SMARCB1: variants seen among roughly 807,000 people sequenced by gnomAD.
SMARCB1 encodes SWI/SNF related BAF chromatin remodeling complex subunit B1.
A neutral mutation model predicts 49.0 loss-of-function variants in SMARCB1; 5 were observed. The observed-to-expected ratio is 0.10, with a 90% CI of 0.05 to 0.21. The LOEUF is 0.21. SMARCB1 is among the 10% of genes least tolerant of loss of function. SMARCB1 has a pLI of 1.00. For missense variants in SMARCB1, 226 were observed against 509.2 expected, an observed-to-expected ratio of 0.44 and a Z score of 5.35; for synonymous variants, 201 against 200.1, an observed-to-expected ratio of 1.00 and a Z score of -0.04.
chr22:23,787,313 C>T, intron 1 of SMARCB1, 51 bp downstream of exon 1: 2 of 1,164,122 alleles, frequency 1.7e-6, no homozygotes, highest in Non-Finnish European at 1.3e-6. Flanking sequence ...CGCGGGAGCC[C>T]CGGGGCGGGC....
intron 5 of SMARCB1, 57 bp from the exon 6 acceptor site, chr22:23,816,713 G>C: frequency 6.6e-7 from 1 of 1,523,874 alleles, no homozygotes; most frequent in Non-Finnish European, 9.1e-7. Context: ...GAGGGAGGCC[G>C]GTCCATGCCC....
Position 23,833,627 on chromosome 22 carries a change from C to T in SMARCB1, c.1042C>T (p.Gln348Ter), listed in dbSNP as rs2146042172. Residue 348 changes from glutamine (Q) to a stop codon, truncating the protein, a stop_gained, in exon 8 of 9, where the codon CAG (glutamine) becomes TAG (stop). Transcript: ENST00000644036. LOFTEE classifies it high-confidence loss of function. ...CATCCGGAACACGGGCGATGCGGAC[C>T]AGTGGTGCCCACTGCTGGAGACTCT... ...IAIRNTGDAD[Q>*]WCPLLETLTD... is the part of the protein sequence containing the mutation. 6.2e-7 allele frequency: 1 copy of T among 1,614,208 alleles called. No homozygotes were observed. Among genetic ancestry groups the T allele is most frequent in the Non-Finnish European group, 8.5e-7 (1 of 1,180,040 alleles).
At position 23,787,000 on chromosome 22, in the gene SMARCB1, C is replaced by G. The variant is rs1928015664; in HGVS notation, c.-170C>G. ...TGCGCACTGAGGGCGGCCTGGTCGT[C>G]GTCTGCGGCGGCGGCGGCGGCTGAG... On this transcript the variant is annotated 5_prime_UTR_variant, in exon 1 of 9. Transcript: ENST00000644036. 2.0e-6 allele frequency: 1 copy of G among 503,208 alleles called. No individual in the cohort carries two copies. The highest frequency in any genetic ancestry group is 2.6e-5 in the South Asian group (1 of 37,862). The allele number at this position is 503,208 out of a possible 1,614,324, so 31.2% of individuals were successfully genotyped here. A position where few individuals can be genotyped will look rare whatever the true frequency, so the allele number is the denominator to read the frequency against.
intron 2 of SMARCB1, chr22:23,792,923 C>G (rs1421811460): frequency 5.9e-6 from 1 of 168,494 alleles, no homozygotes; most frequent in Non-Finnish European, 1.3e-5. Context: ...CAGGAGAAGC[C>G]AGACTGGGCC....
intron 5 of SMARCB1, 106 bp downstream of exon 5, chr22:23,803,528 C>A: frequency 1.5e-6 from 2 of 1,329,052 alleles, no homozygotes; most frequent in Non-Finnish European, 2.1e-6. Context: ...CTGGACCTGA[C>A]ACGCAGGACA....
chr22:23,822,235 G>A (rs912804322), intron 6 of SMARCB1, among the ~76,000 whole-genome samples: 1 of 152,250 alleles, frequency 6.6e-6, no homozygotes, highest in African/African-American at 2.4e-5. Flanking sequence ...GTTCCAGCAG[G>A]GGTTGGGGGG....
chr22:23,793,684 C>T lies in SMARCB1; in HGVS notation c.358C>T (p.Leu120Phe), dbSNP rs754350320. The T allele has an allele frequency of 1.9e-6, 3 of 1,614,048 alleles. No homozygotes were observed. The highest frequency in any genetic ancestry group is 1.1e-5 in the South Asian group (1 of 91,086). The change falls in exon 3 of 9, where the codon CTC (leucine) becomes TTC (phenylalanine). Residue 120 changes from leucine to phenylalanine, a missense_variant. Physicochemically the swap from Leu to Phe is conservative, Grantham distance 22. Coordinates refer to ENST00000644036, the MANE Select transcript of SMARCB1 (RefSeq NM_003073.5). ...VSISTEPPTYLREQKAKRNSQ... is the reference protein window; with the variant it reads ...VSISTEPPTYFREQKAKRNSQ... ...CATCAGCACAGAGCCCCCCACCTAC[C>T]TCAGGTAATGCGTTCCTGGCCAGGG...
chr22:23,834,394 C>CCCCCCG lies in SMARCB1; in HGVS notation c.*215_*216insCCCCGC. On this transcript the variant is annotated 3_prime_UTR_variant, in exon 9 of 9. Transcript: ENST00000644036. ...CCCACCCCACCCTCCCTACCCCTCC[C>CCCCCCG]CAGTCTCTGGGGTCAGGAAGAAACC... is the stretch of plus-strand genomic sequence containing the variant. The CCCCCCG allele has an allele frequency of 1.4e-6, 1 of 703,544 alleles. No individual in the cohort carries two copies. The highest frequency in any genetic ancestry group is 2.6e-6 in the Non-Finnish European group (1 of 387,674). The allele number at this position is 703,544 out of a possible 1,614,324, so 43.6% of individuals were successfully genotyped here.
chr22:23,794,008 G>A (rs1405799299), intron 3 of SMARCB1, among the ~76,000 whole-genome samples: 1 of 152,094 alleles, frequency 6.6e-6, no homozygotes, highest in Non-Finnish European at 1.5e-5. Context: ...GCAATGGCGT[G>A]ATCTCAGCTC....
rs149985396 is a variant in SMARCB1, at chr22:23,827,230, G to A, written c.986+1815G>A. On this transcript the variant is annotated intron_variant, in intron 7 of 8. Coordinates refer to ENST00000644036, the MANE Select transcript of SMARCB1 (RefSeq NM_003073.5). ...CCCAGCATCCAGCCCCTACGGTGTT[G>A]ACCTTCACCTAGTCCTGCAGCCGCT... Among the ~76,000 whole-genome samples, 343 of 152,324 alleles carry A rather than the reference G, an allele frequency of 2.3e-3. 3 individuals carry two copies. Among genetic ancestry groups the A allele is most frequent in the African/African-American group, 8.0e-3 (334 of 41,568 alleles).
At chr22:23,817,031 CCCGT>C in intron 6 of SMARCB1, 95 bp downstream of exon 6, 2 of 1,007,500 alleles carry the variant, frequency 2.0e-6, no homozygotes, top group South Asian at 2.7e-5. Flanking sequence ...TCAGCAGAAG[CCCGT>C]CTTTGGGTTC....
At chr22:23,812,860 T>C (rs376775523) in intron 5 of SMARCB1, among the ~76,000 whole-genome samples, 1 of 129,972 alleles carries the variant, frequency 7.7e-6, no homozygotes, top group Admixed American at 9.6e-5. Flanking sequence ...AAAAGTCCTG[T>C]TGCTATTTTT....
chr22:23,801,485 GC>G (rs1488109299), intron 4 of SMARCB1: 1 of 456,180 alleles, frequency 2.2e-6, no homozygotes, highest in East Asian at 5.2e-5. Context: ...GTGGCTTCGA[GC>G]AGAGCACATT....
At chr22:23,799,749 A>G (rs998228197) in intron 3 of SMARCB1, among the ~76,000 whole-genome samples, 5 of 135,292 alleles carry the variant, frequency 3.7e-5, no homozygotes, top group Non-Finnish European at 7.6e-5. Context: ...CAGTGGCGCA[A>G]TGTTGGCTCA....
intron 1 of SMARCB1, among the ~76,000 whole-genome samples, chr22:23,787,660 T>C (rs1374252562): frequency 6.6e-6 from 1 of 152,146 alleles, no homozygotes; most frequent in Admixed American, 6.5e-5. Context: ...CCTCCCCGTA[T>C]TGCTACTTGT....
intron 1 of SMARCB1, among the ~76,000 whole-genome samples, chr22:23,788,489 T>G (rs1928158439): frequency 6.6e-6 from 1 of 152,060 alleles, no homozygotes; most frequent in Admixed American, 6.5e-5. Context: ...CACTGCAGCC[T>G]TGACCTCCTG....
chr22:23,825,125 C>T, intron 6 of SMARCB1, 100 bp from the exon 7 acceptor site: 1 of 931,550 alleles, frequency 1.1e-6, no homozygotes. Context: ...CTGGTGGACC[C>T]TGGTGGGCAG....
intron 5 of SMARCB1, among the ~76,000 whole-genome samples, chr22:23,806,714 G>A (rs1244034072): frequency 2.0e-5 from 3 of 152,046 alleles, no homozygotes; most frequent in African/African-American, 7.3e-5. Context: ...TTGAGGCCAG[G>A]AGTTTGAGAC....
intron 5 of SMARCB1, among the ~76,000 whole-genome samples, chr22:23,808,747 G>A (rs1221336304): frequency 1.3e-5 from 2 of 149,626 alleles, no homozygotes; most frequent in Non-Finnish European, 3.0e-5. Flanking sequence ...TGCCCAGGCT[G>A]GAGTGCAGTT....
Sources: allele counts gnomAD v4.1 joint callset (sites outside exome capture counted in the v4.1 genomes callset), GRCh38; gene constraint gnomAD v4.1.1; transcripts MANE v1.5; gene names NCBI Gene and HGNC (gene_info 2026-07-23, HGNC 2026-07-21).